Variants in TTC39B observed in about 807,000 individuals in gnomAD.
The protein encoded by TTC39B is tetratricopeptide repeat protein 39B.
Under a neutral mutation model 96.6 loss-of-function variants are expected in TTC39B, and 92 were observed. The ratio of observed to expected loss-of-function variants is 0.95; its 90% confidence interval spans 0.80 to 1.13. TTC39B has a LOEUF of 1.13. Ranked by LOEUF, TTC39B falls within the 50% of genes most tolerant of loss-of-function variation. The pLI, the probability that TTC39B is intolerant of heterozygous loss-of-function variation, is 0.00. For missense variants in TTC39B, 955 were observed against 809.3 expected, an observed-to-expected ratio of 1.18 and a Z score of -2.18; for synonymous variants, 367 against 299.4, an observed-to-expected ratio of 1.23 and a Z score of -2.33.
intron 8 of TTC39B, among the ~76,000 whole-genome samples, chr9:15,193,443 T>C (rs79010983): frequency 0.03 from 4,634 of 152,306 alleles, 245 homozygotes; most frequent in African/African-American, 0.11. Flanking sequence ...ATGAATCACT[T>C]GGTGTGATGC....
At chr9:15,305,660 G>C (rs1824731142) in intron 1 of TTC39B, among the ~76,000 whole-genome samples, 2 of 150,506 alleles carry the variant, frequency 1.3e-5, no homozygotes, top group South Asian at 2.1e-4. Context: ...TTCACCCACA[G>C]AAACCTAACT....
At chr9:15,250,159 A>G (rs1822468702) in intron 2 of TTC39B, 1 of 1,207,374 alleles carries the variant, frequency 8.3e-7, no homozygotes, top group Admixed American at 3.4e-5. Flanking sequence ...TTTCCAGGGC[A>G]GAATTTAAGA....
At chr9:15,280,759 T>C (rs1823732017) in intron 1 of TTC39B, among the ~76,000 whole-genome samples, 2 of 152,130 alleles carry the variant, frequency 1.3e-5, no homozygotes, top group Admixed American at 1.3e-4. Context: ...TAAAAGTTAA[T>C]ATATTGAGAA....
At chr9:15,171,040 C>T (rs904014705) in exon 20 of TTC39B, 6 of 152,148 alleles carry the variant, frequency 3.9e-5, no homozygotes, top group African/African-American at 1.4e-4. Flanking sequence ...GTAGCAGAAC[C>T]AGGACCATAT....
At chr9:15,258,847 G>C (rs1015254057) in intron 2 of TTC39B, among the ~76,000 whole-genome samples, 2 of 152,120 alleles carry the variant, frequency 1.3e-5, no homozygotes, top group African/African-American at 4.8e-5. Context: ...CTTTCCTTCA[G>C]AGGCTTTCCT....
chr9:15,206,539 T>C (rs1001510810), intron 6 of TTC39B, among the ~76,000 whole-genome samples: 1 of 152,200 alleles, frequency 6.6e-6, no homozygotes, highest in Non-Finnish European at 1.5e-5. Context: ...TTCTCAAAAT[T>C]AGCCATTAGG....
chr9:15,281,468 C>A (rs146193830), intron 1 of TTC39B, among the ~76,000 whole-genome samples: 17 of 152,006 alleles, frequency 1.1e-4, no homozygotes, highest in African/African-American at 3.9e-4. Context: ...GGTATCTATC[C>A]TTATAGGTAA....
At chr9:15,247,266 A>T (rs1377736449) in intron 2 of TTC39B, among the ~76,000 whole-genome samples, 1 of 152,220 alleles carries the variant, frequency 6.6e-6, no homozygotes, top group Non-Finnish European at 1.5e-5. Flanking sequence ...GAGTGGTTTT[A>T]TCTTAAGATC....
chr9:15,171,153 A>G (rs1162871273), exon 20 of TTC39B: 6 of 152,180 alleles, frequency 3.9e-5, no homozygotes, highest in Non-Finnish European at 5.9e-5. Flanking sequence ...AGTGCTAGAG[A>G]GATTAGAAAA....
chr9:15,234,771 AG>A (rs888046709), intron 2 of TTC39B, among the ~76,000 whole-genome samples: 4 of 151,666 alleles, frequency 2.6e-5, no homozygotes, highest in Non-Finnish European at 5.9e-5. Context: ...GTGTCCACTC[AG>A]GGTTAAATGG....
exon 20 of TTC39B, chr9:15,171,490 T>C (rs956869467): frequency 2.6e-5 from 4 of 152,244 alleles, no homozygotes; most frequent in African/African-American, 9.7e-5. Context: ...ACCCATGAAG[T>C]ACATTATATC....
At chr9:15,305,682 C>G (rs1018934425) in intron 1 of TTC39B, among the ~76,000 whole-genome samples, 11 of 150,586 alleles carry the variant, frequency 7.3e-5, no homozygotes, top group Admixed American at 6.7e-4. Flanking sequence ...CCCTCCTCAT[C>G]GGCTAATGCA....
chr9:15,240,884 T>C (rs1437929079), intron 2 of TTC39B, among the ~76,000 whole-genome samples: 12 of 152,216 alleles, frequency 7.9e-5, no homozygotes, highest in South Asian at 6.2e-4. Context: ...CATGCTTCAA[T>C]AGGTCTACTA....
intron 2 of TTC39B, among the ~76,000 whole-genome samples, chr9:15,253,638 G>T (rs1408967028): frequency 6.6e-6 from 1 of 152,144 alleles, no homozygotes; most frequent in Non-Finnish European, 1.5e-5. Context: ...TCTTTTAATT[G>T]TCTGCTTATG....
In TTC39B at chr9:15,233,448, C is replaced by A. The variant is rs1396369538; in HGVS notation, c.276-7436G>T. ...CTGCTGCCATCTGGGCTCACTGCAA[C>A]CTCCCTGCCTGATTCTCCTGCCTCA... On this transcript the variant is annotated intron_variant, in intron 2 of 19. Coordinates refer to ENST00000512701, the Ensembl canonical transcript of TTC39B. Among the ~76,000 whole-genome samples, 3 of 150,186 alleles carry A rather than the reference C, an allele frequency of 2.0e-5. No individual in the cohort carries two copies. In the East Asian group the frequency reaches 5.8e-4, roughly 29 times the overall value.
At chr9:15,271,944 C>T (rs1823369900) in intron 1 of TTC39B, among the ~76,000 whole-genome samples, 1 of 152,156 alleles carries the variant, frequency 6.6e-6, no homozygotes, top group African/African-American at 2.4e-5. Flanking sequence ...CCGCTCTCTC[C>T]CTGGGTACCA....
chr9:15,267,057 C>T (rs757243726), intron 2 of TTC39B, among the ~76,000 whole-genome samples: 1 of 152,092 alleles, frequency 6.6e-6, no homozygotes, highest in East Asian at 1.9e-4. Flanking sequence ...CCAACCTGGG[C>T]GACAGAGCGA....
intron 2 of TTC39B, among the ~76,000 whole-genome samples, chr9:15,246,888 A>C (rs1218185100): frequency 6.6e-6 from 1 of 152,268 alleles, no homozygotes; most frequent in Non-Finnish European, 1.5e-5. Flanking sequence ...CAGATTCATA[A>C]GCAAATAAAT....
chr9:15,279,256 C>A (rs750990708), intron 1 of TTC39B, among the ~76,000 whole-genome samples: 1 of 152,228 alleles, frequency 6.6e-6, no homozygotes, highest in Non-Finnish European at 1.5e-5. Flanking sequence ...CCAGCTGTAA[C>A]AGAAAATTGG....
Sources: allele counts gnomAD v4.1 joint callset (sites outside exome capture counted in the v4.1 genomes callset), GRCh38; gene constraint gnomAD v4.1.1; transcripts MANE v1.5; gene names NCBI Gene and HGNC (gene_info 2026-07-23, HGNC 2026-07-21).